KDM6A: variants seen among roughly 807,000 people sequenced by gnomAD.
The protein encoded by KDM6A is lysine demethylase 6A.
In KDM6A, 11 loss-of-function variants were observed where a neutral mutation model predicts 117.6. The observed-to-expected ratio is 0.09, with a 90% CI of 0.06 to 0.15. The LOEUF is 0.15. Ranked by LOEUF, KDM6A falls within the 10% of genes least tolerant of loss-of-function variation. The pLI, the probability that KDM6A is intolerant of heterozygous loss-of-function variation, is 1.00. For missense variants in KDM6A, 799 were observed against 1,077.3 expected, an observed-to-expected ratio of 0.74 and a Z score of 3.62; for synonymous variants, 384 against 396.1, an observed-to-expected ratio of 0.97 and a Z score of 0.36.
chrX:45,098,438 A>G (rs188963278), intron 27 of KDM6A, among the ~76,000 whole-genome samples: 52 of 112,834 alleles, frequency 4.6e-4, no homozygotes, highest in African/African-American at 1.5e-3. Context: ...GAGTTGAGCG[A>G]GAAATCTGTA....
chrX:45,074,312 T>C (rs1361349990), intron 18 of KDM6A, among the ~76,000 whole-genome samples: 2 of 112,141 alleles, frequency 1.8e-5, no homozygotes, highest in African/African-American at 3.2e-5. Flanking sequence ...CCACTTTGGA[T>C]TTTTATATGA....
rs756992820 is a variant in KDM6A, at chrX:44,952,581, G to C, written c.226-8703G>C. On this transcript the variant is annotated intron_variant, in intron 2 of 29. Coordinates refer to ENST00000611820, the MANE Select transcript of KDM6A (RefSeq NM_001291415.2). ...AGCCACCGCGTTCAACCCCTCTGCT[G>C]ACTCTTTTGACAAAAGATGTGTATT... is the stretch of plus-strand genomic sequence containing the variant. Among the ~76,000 whole-genome samples the C allele has an allele frequency of 6.3e-4, 70 of 111,612 alleles. 1 individual carries two copies. The highest frequency in any genetic ancestry group is 2.2e-3 in the African/African-American group (69 of 30,731).
intron 4 of KDM6A, among the ~76,000 whole-genome samples, chrX:44,985,054 T>G (rs1490675338): frequency 1.8e-5 from 2 of 109,953 alleles, no homozygotes; most frequent in Non-Finnish European, 3.8e-5. Flanking sequence ...GCATGGAATG[T>G]TCTTCCATTT....
chrX:45,005,906 C>G (rs2041416182), intron 4 of KDM6A, among the ~76,000 whole-genome samples: 1 of 104,388 alleles, frequency 9.6e-6, no homozygotes, highest in African/African-American at 3.5e-5. Context: ...GCATGTCTCA[C>G]CTCTTTTTAA....
intron 8 of KDM6A, among the ~76,000 whole-genome samples, chrX:45,041,855 C>T (rs1332775830): frequency 1.7e-3 from 193 of 111,150 alleles, no homozygotes; most frequent in African/African-American, 6.1e-3. Flanking sequence ...GGGGTGGCGG[C>T]TGGGCAGAGG....
chrX:44,924,689 G>C (rs1440214050), intron 2 of KDM6A, among the ~76,000 whole-genome samples: 1 of 100,444 alleles, frequency 1.0e-5, no homozygotes, highest in Non-Finnish European at 2.0e-5. Flanking sequence ...GTGTGTGTGT[G>C]TCTATGTATT....
At chrX:45,058,920 A>G (rs1398974866) in intron 10 of KDM6A, 86 bp from the exon 11 acceptor site, 1 of 842,964 alleles carries the variant, frequency 1.2e-6, no homozygotes, top group Non-Finnish European at 1.7e-6. Context: ...TTGCTGTGAT[A>G]TATAGTCCAT....
At chrX:44,917,998 C>T (rs2035666864) in intron 2 of KDM6A, among the ~76,000 whole-genome samples, 1 of 111,720 alleles carries the variant, frequency 9.0e-6, no homozygotes, top group South Asian at 3.7e-4. Context: ...CACAACTGGA[C>T]ATATTCTTGA....
At chrX:45,021,800 A>T (rs769761316) in intron 6 of KDM6A, among the ~76,000 whole-genome samples, 7 of 111,849 alleles carry the variant, frequency 6.3e-5, no homozygotes, top group Non-Finnish European at 9.4e-5. Context: ...CAGTCGAGGA[A>T]TAAGTTCCAG....
chrX:45,060,898 C>A, intron 14 of KDM6A, 134 bp downstream of exon 14: 1 of 341,823 alleles, frequency 2.9e-6, no homozygotes, highest in Non-Finnish European at 4.9e-6. Flanking sequence ...TTGAGTTTTT[C>A]CATCCCAAAC....
chrX:45,082,371 T>C (rs1197687897), intron 21 of KDM6A: 1 of 411,985 alleles, frequency 2.4e-6, no homozygotes, highest in East Asian at 4.1e-5. Flanking sequence ...GAGGCAGAGG[T>C]TGCAGTGAGC....
chrX:44,915,186 A>G (rs985845529), intron 2 of KDM6A, among the ~76,000 whole-genome samples: 1 of 111,947 alleles, frequency 8.9e-6, no homozygotes, highest in Non-Finnish European at 1.9e-5. Context: ...ATGGCTATTT[A>G]TTTTAACCTT....
rs374939363 is a variant in KDM6A at position 45,089,781 on chromosome X, A to G, written c.3743A>G (p.Asn1248Ser). 4.1e-6 allele frequency: 5 copies of G among 1,206,194 alleles called. No homozygotes were observed. Among genetic ancestry groups the G allele is most frequent in the South Asian group, 1.8e-5 (1 of 56,585 alleles). ...TTCCTAATGGGTTCTTGGTGGCCCA[A>G]TCTTGAAGATCTTTATGAAGCAAAT... ...LNFLMGSWWP[N>S]LEDLYEANVP... The change falls in exon 26 of 30, where the codon AAT (asparagine) becomes AGT (serine). Residue 1248 changes from asparagine to serine, a missense_variant. Around this residue, in one of 8 missense-constraint regions of KDM6A, gnomAD observed 291 missense variants for 437.9 expected, o/e 0.66. Transcript: ENST00000611820.
At chrX:45,010,545 G>A (rs959371451) in intron 4 of KDM6A, among the ~76,000 whole-genome samples, 5 of 110,992 alleles carry the variant, frequency 4.5e-5, no homozygotes, top group Non-Finnish European at 9.4e-5. Flanking sequence ...TTTGTTTTAG[G>A]TTTATACTGT....
At chrX:44,979,324 G>T (rs760978211) in intron 4 of KDM6A, among the ~76,000 whole-genome samples, 1 of 108,280 alleles carries the variant, frequency 9.2e-6, no homozygotes, top group Admixed American at 9.9e-5. Flanking sequence ...TTTAACTTTA[G>T]CCCGTCTACC....
intron 2 of KDM6A, among the ~76,000 whole-genome samples, chrX:44,908,352 T>C (rs2034861489): frequency 9.0e-6 from 1 of 111,650 alleles, no homozygotes; most frequent in African/African-American, 3.3e-5. Flanking sequence ...GTCAGGAATT[T>C]GGAAAGGGTA....
chrX:45,035,435 T>C (rs1000723046), intron 7 of KDM6A, among the ~76,000 whole-genome samples: 4 of 111,644 alleles, frequency 3.6e-5, no homozygotes, highest in African/African-American at 1.3e-4. Context: ...TTTAGAAAGC[T>C]TGAGTTGACA....
intron 2 of KDM6A, among the ~76,000 whole-genome samples, chrX:44,874,847 T>C (rs1328021147): frequency 9.0e-6 from 1 of 111,190 alleles, no homozygotes; most frequent in Non-Finnish European, 1.9e-5. Context: ...AATAAGCCTT[T>C]CCTTCGGAGT....
chrX:44,873,801 G>A (rs2031123850), intron 1 of KDM6A, 89 bp downstream of exon 1: 3 of 1,136,135 alleles, frequency 2.6e-6, no homozygotes, highest in Non-Finnish European at 3.5e-6. Flanking sequence ...CTCTGGCGGC[G>A]GCGGGGCGGG....
Sources: allele counts gnomAD v4.1 joint callset (sites outside exome capture counted in the v4.1 genomes callset), GRCh38; gene constraint gnomAD v4.1.1; regional missense constraint gnomAD v4.1.1; transcripts MANE v1.5; gene names NCBI Gene and HGNC (gene_info 2026-07-23, HGNC 2026-07-21).